MYLK4: variants seen among roughly 807,000 people sequenced by gnomAD.
The protein encoded by MYLK4 is myosin light chain kinase family member 4, also known as caMLCK like.
A neutral mutation model predicts 48.1 loss-of-function variants in MYLK4; 46 were observed. That is an observed-to-expected ratio of 0.96 (90% CI 0.75 to 1.22). MYLK4 has a LOEUF of 1.22. Among genes scored for constraint, MYLK4 ranks in the 50% most tolerant of loss-of-function variants. The pLI is 0.00. For missense variants in MYLK4, 451 were observed against 486.1 expected, an observed-to-expected ratio of 0.93 and a Z score of 0.68; for synonymous variants, 170 against 180.8, an observed-to-expected ratio of 0.94 and a Z score of 0.48.
chr6:2,768,954 C>A, the MYLK4 span: 14 of 1,443,640 alleles, frequency 9.7e-6, no homozygotes, highest in Admixed American at 2.8e-4. Flanking sequence ...GATCACTATA[C>A]AAACGCTAGA....
chr6:2,715,071 C>A (rs4959709), intron 2 of MYLK4, among the ~76,000 whole-genome samples: 66,737 of 151,784 alleles, frequency 0.44, 15,713 homozygotes, highest in East Asian at 0.57. Flanking sequence ...TCTAGACCAG[C>A]CTGACCAACA....
intron 2 of MYLK4, among the ~76,000 whole-genome samples, chr6:2,740,818 G>A (rs900628942): frequency 6.6e-6 from 1 of 152,210 alleles, no homozygotes; most frequent in Admixed American, 6.5e-5. Flanking sequence ...CTTGAAGGAA[G>A]TGGACTTTGT....
Position 2,702,924 on chromosome 6 carries a change from C to CG in MYLK4, c.160-10066dup, listed in dbSNP as rs1762344608. 2.0e-5 allele frequency among the ~76,000 whole-genome samples: 3 copies of CG among 152,178 alleles called. No homozygotes were observed. The South Asian group carries it at 6.2e-4, about 32-fold the overall frequency. On this transcript the variant is annotated intron_variant, in intron 2 of 12. Transcript: ENST00000274643. ...AACATGAACACCAAGCTGAACTCTT[C>CG]GGGTTCTTGTCTCATTGTCCTTTGT... is the stretch of plus-strand genomic sequence containing the variant.
At chr6:2,766,558 A>G in the MYLK4 span, 13 of 1,401,610 alleles carry the variant, frequency 9.3e-6, no homozygotes, top group Non-Finnish European at 1.2e-5. Flanking sequence ...TCTCCTGGAT[A>G]AGGGGGTGCA....
At chr6:2,677,771 T>C (rs962263279) in intron 10 of MYLK4, among the ~76,000 whole-genome samples, 2 of 152,178 alleles carry the variant, frequency 1.3e-5, no homozygotes, top group Non-Finnish European at 2.9e-5. Flanking sequence ...TTCTGCCTCA[T>C]GGAGTTGGGG....
the MYLK4 span, chr6:2,766,203 C>A: frequency 6.9e-7 from 1 of 1,439,486 alleles, no homozygotes; most frequent in Non-Finnish European, 9.1e-7. Flanking sequence ...GCGGACGCTG[C>A]CGAAGCCGCC....
At chr6:2,717,868 TG>T (rs1228018826) in intron 2 of MYLK4, among the ~76,000 whole-genome samples, 1 of 152,108 alleles carries the variant, frequency 6.6e-6, no homozygotes, top group Non-Finnish European at 1.5e-5. Flanking sequence ...ATAGAATCAT[TG>T]TGTGAGAGAT....
Position 2,692,761 on chromosome 6 carries a change from A to G in MYLK4, c.235+23T>C, listed in dbSNP as rs371828231. 10 of 1,607,184 alleles carry G rather than the reference A, an allele frequency of 6.2e-6. No homozygotes were observed. In the African/African-American group the frequency reaches 6.7e-5, roughly 11 times the overall value. On this transcript the variant is annotated intron_variant, in intron 3 of 12. Transcript: ENST00000274643. ...AACGGAACTTTCTTCATCCATAACT[A>G]TCTACTTTTCTAAAGATGTTACCTG...
chr6:2,765,182 A>ACCCCCCCCCCCCCCCCCC, the MYLK4 span, among the ~76,000 whole-genome samples: 6 of 72,918 alleles, frequency 8.2e-5, no homozygotes, highest in African/African-American at 1.6e-4. Flanking sequence ...TCGCCTCGCA[A>ACCCCCCCCCCCCCCCCCC]CCCCCCCCCC....
the MYLK4 span, among the ~76,000 whole-genome samples, chr6:2,763,780 C>T: frequency 1.3e-5 from 2 of 152,060 alleles, no homozygotes; most frequent in Non-Finnish European, 2.9e-5. Flanking sequence ...GCAGAGGAGG[C>T]GCTGAGAGCG....
upstream of MYLK4, among the ~76,000 whole-genome samples, chr6:2,752,968 A>T (rs1383855492): frequency 6.6e-6 from 1 of 152,194 alleles, no homozygotes; most frequent in African/African-American, 2.4e-5. Flanking sequence ...ATGCATACTC[A>T]TTCTGGTCTA....
chr6:2,715,054 C>G (rs1343457862), intron 2 of MYLK4, among the ~76,000 whole-genome samples: 1 of 152,052 alleles, frequency 6.6e-6, no homozygotes, highest in Non-Finnish European at 1.5e-5. Context: ...CACCCGAGGT[C>G]AGGAGTTCTA....
chr6:2,683,391 T>TTTTGTGTGTGTGTG (rs556476421), intron 6 of MYLK4, among the ~76,000 whole-genome samples: 1 of 126,584 alleles, frequency 7.9e-6, no homozygotes, highest in Non-Finnish European at 1.7e-5. Flanking sequence ...CCCCACCTTT[T>TTTTGTGTGTGTGTG]TGTGTGTGTG....
chr6:2,749,384 T>C lies in MYLK4; in HGVS notation c.-90A>G, dbSNP rs1764209292. 6.2e-6 allele frequency: 6 copies of C among 967,044 alleles called. No homozygotes were observed. Among genetic ancestry groups the C allele is most frequent in the Middle Eastern group, 2.2e-4 (1 of 4,502 alleles). 59.9% of individuals were successfully genotyped at this position (967,044 alleles called of 1,614,324 possible). A position where few individuals can be genotyped will look rare whatever the true frequency, so the allele number is the denominator to read the frequency against. ...TTATAAATCAGGACACAATTATGAC[T>C]CTTCAGTGCTTCTTTCTCTTGACTG... is the stretch of plus-strand genomic sequence containing the variant. On this transcript the variant is annotated 5_prime_UTR_variant, in exon 2 of 13. Transcript: ENST00000274643.
In MYLK4 at chr6:2,679,405, G is replaced by A. The variant is rs1405641942; in HGVS notation, c.762C>T (p.Tyr254=). ...TCACCTTCAGCTTCTCTCTGGGTTTGTATCTGCAATTTAAGAGACAAAGTG... is the reference window on the plus strand; with the variant it reads ...TCACCTTCAGCTTCTCTCTGGGTTTATATCTGCAATTTAAGAGACAAAGTG... The part of the protein sequence containing the change: ...KIIDFGLARR[Y]KPREKLKVNF... Residue 254 remains tyrosine (Y), a synonymous_variant, in exon 9 of 13, where the codon TAC becomes TAT. Transcript: ENST00000274643. The A allele has an allele frequency of 1.2e-6, 2 of 1,614,160 alleles. No homozygotes were observed. Among genetic ancestry groups the A allele is most frequent in the East Asian group, 2.2e-5 (1 of 44,880 alleles).
At chr6:2,729,313 T>C (rs201692858) in intron 2 of MYLK4, among the ~76,000 whole-genome samples, 1 of 152,094 alleles carries the variant, frequency 6.6e-6, no homozygotes, top group Non-Finnish European at 1.5e-5. Context: ...GAAAGACAGA[T>C]GGAAGAGAAT....
chr6:2,738,963 A>G (rs1418607814), intron 2 of MYLK4, among the ~76,000 whole-genome samples: 1 of 152,130 alleles, frequency 6.6e-6, no homozygotes, highest in African/African-American at 2.4e-5. Flanking sequence ...AATATGTCCC[A>G]CTCTATTGGG....
chr6:2,763,930 T>G, the MYLK4 span, among the ~76,000 whole-genome samples: 5 of 151,970 alleles, frequency 3.3e-5, no homozygotes, highest in African/African-American at 1.2e-4. Flanking sequence ...GCGGATCACC[T>G]GAGGTCGGGA....
At chr6:2,765,063 C>A in the MYLK4 span, among the ~76,000 whole-genome samples, 1 of 152,122 alleles carries the variant, frequency 6.6e-6, no homozygotes, top group Non-Finnish European at 1.5e-5. Context: ...GCGCTCGCCG[C>A]TCCAACAACC....
Sources: allele counts gnomAD v4.1 joint callset (sites outside exome capture counted in the v4.1 genomes callset), GRCh38; gene constraint gnomAD v4.1.1; transcripts MANE v1.5; gene names NCBI Gene and HGNC (gene_info 2026-07-23, HGNC 2026-07-21).